The following CACNA2D3 variants were observed in gnomAD, a reference collection of about 807,000 sequenced individuals.
CACNA2D3 encodes voltage-dependent calcium channel subunit alpha-2/delta-3.
CACNA2D3 carries 60 observed loss-of-function variants against 160.6 expected under a neutral mutation model. The observed-to-expected ratio is 0.37, with a 90% CI of 0.30 to 0.46. The LOEUF (loss-of-function observed/expected upper bound fraction) is 0.46. Among genes scored for constraint, CACNA2D3 ranks in the 20% least tolerant of loss-of-function variants. CACNA2D3 has a pLI of 1.00. For missense variants in CACNA2D3, 1,205 were observed against 1,365.0 expected (o/e 0.88, Z 1.85); for synonymous variants, 558 against 492.9 (o/e 1.13, Z -1.75).
intron 11 of CACNA2D3, among the ~76,000 whole-genome samples, chr3:54,701,776 CT>C (rs1700771390): frequency 6.6e-6 from 1 of 152,148 alleles, no homozygotes; most frequent in Non-Finnish European, 1.5e-5. Context: ...AAAAATGAGT[CT>C]GAATAGCCAA....
chr3:54,265,335 C>T (rs1702479670), intron 2 of CACNA2D3, among the ~76,000 whole-genome samples: 1 of 151,916 alleles, frequency 6.6e-6, no homozygotes, highest in Admixed American at 6.6e-5. Context: ...GGGAGTTGAA[C>T]AATGAGAACA....
chr3:54,327,104 C>T (rs1445469626), intron 3 of CACNA2D3, among the ~76,000 whole-genome samples: 1 of 152,174 alleles, frequency 6.6e-6, no homozygotes, highest in East Asian at 1.9e-4. Context: ...TGGCTGAGAA[C>T]AAAACCACAT....
At chr3:54,265,556 GTA>G (rs1443643284) in intron 2 of CACNA2D3, among the ~76,000 whole-genome samples, 2 of 78,650 alleles carry the variant, frequency 2.5e-5, no homozygotes, top group African/African-American at 6.5e-5. Flanking sequence ...GTGTGTGTGT[GTA>G]TAGTGTGTAT....
At chr3:54,483,997 A>G (rs901806199) in intron 4 of CACNA2D3, among the ~76,000 whole-genome samples, 1 of 152,218 alleles carries the variant, frequency 6.6e-6, no homozygotes, top group Non-Finnish European at 1.5e-5. Flanking sequence ...GGTTTCAAGC[A>G]TAGATTCTGT....
intron 2 of CACNA2D3, among the ~76,000 whole-genome samples, chr3:54,271,559 G>C (rs1441050496): frequency 6.6e-6 from 1 of 152,224 alleles, no homozygotes; most frequent in African/African-American, 2.4e-5. Context: ...ACAGACATCT[G>C]GGGAGTGGGT....
chr3:54,802,885 C>A (rs1703026407), intron 13 of CACNA2D3, among the ~76,000 whole-genome samples: 1 of 152,176 alleles, frequency 6.6e-6, no homozygotes, highest in Non-Finnish European at 1.5e-5. Flanking sequence ...GATCAGACAG[C>A]AGCATTCGCG....
chr3:54,859,972 G>GCGCGCGCACACACACACACA lies in CACNA2D3; in HGVS notation c.1627-11566_1627-11565insGCGCGCACACACACACACAC, dbSNP rs535185040. Among the ~76,000 whole-genome samples the GCGCGCGCACACACACACACA allele has an allele frequency of 1.8e-3, 237 of 133,874 alleles. 2 individuals are homozygous for GCGCGCGCACACACACACACA. The highest frequency in any genetic ancestry group is 6.2e-3 in the African/African-American group (223 of 35,936). The allele number at this position is 133,874 out of a possible 152,430, so 87.8% of individuals were successfully genotyped here. ...TTAGAACATCATCTGGAAAGTAGAT[G>GCGCGCGCACACACACACACA]CACACACACACACACACACACACAC... On this transcript the variant is annotated intron_variant, in intron 17 of 37. Transcript: ENST00000474759.
intron 4 of CACNA2D3, among the ~76,000 whole-genome samples, chr3:54,436,936 A>G (rs796228347): frequency 2.0e-5 from 3 of 152,322 alleles, no homozygotes; most frequent in African/African-American, 7.2e-5. Flanking sequence ...AATTATACTT[A>G]AAGAGTGAAG....
intron 8 of CACNA2D3, among the ~76,000 whole-genome samples, chr3:54,573,640 T>C (rs1284366987): frequency 6.6e-6 from 1 of 152,210 alleles, no homozygotes; most frequent in African/African-American, 2.4e-5. Flanking sequence ...GGTGTGCTTC[T>C]ATTGAATAAA....
chr3:54,861,007 A>G (rs149215576), intron 17 of CACNA2D3, among the ~76,000 whole-genome samples: 27 of 152,316 alleles, frequency 1.8e-4, no homozygotes, highest in African/African-American at 5.3e-4. Context: ...CGGTCCACTC[A>G]TTCGTCACAT....
intron 11 of CACNA2D3, among the ~76,000 whole-genome samples, chr3:54,648,349 A>T (rs1255139116): frequency 6.6e-6 from 1 of 152,226 alleles, no homozygotes; most frequent in African/African-American, 2.4e-5. Context: ...TTTGTTTACT[A>T]TTGTCTATGG....
At chr3:55,072,198 G>T (rs547605103) in intron 35 of CACNA2D3, among the ~76,000 whole-genome samples, 1 of 152,298 alleles carries the variant, frequency 6.6e-6, no homozygotes, top group Admixed American at 6.5e-5. Flanking sequence ...GTGGATAGTG[G>T]TTAAGGCATT....
intron 2 of CACNA2D3, among the ~76,000 whole-genome samples, chr3:54,241,100 G>C (rs1701966692): frequency 6.6e-6 from 1 of 152,148 alleles, no homozygotes; most frequent in Non-Finnish European, 1.5e-5. Context: ...AATAGAACTT[G>C]AATCCAGTGG....
intron 2 of CACNA2D3, among the ~76,000 whole-genome samples, chr3:54,256,757 C>CA (rs35227962): frequency 6.1e-4 from 65 of 106,968 alleles, no homozygotes; most frequent in African/African-American, 1.8e-3. Flanking sequence ...GACTCCGTCT[C>CA]AAAAAAAAAA....
intron 36 of CACNA2D3, 67 bp from the exon 37 acceptor site, chr3:55,073,710 A>T: frequency 7.1e-7 from 1 of 1,410,844 alleles, no homozygotes; most frequent in East Asian, 2.3e-5. Context: ...TCATTGCCAA[A>T]TTTTGACCTC....
chr3:54,353,261 T>C (rs1319578288), intron 3 of CACNA2D3, among the ~76,000 whole-genome samples: 3 of 152,186 alleles, frequency 2.0e-5, no homozygotes, highest in Admixed American at 2.0e-4. Flanking sequence ...CAGAATTTCT[T>C]TGTAGCTCTG....
At chr3:54,542,526 G>A (rs1288888646) in intron 5 of CACNA2D3, among the ~76,000 whole-genome samples, 1 of 152,150 alleles carries the variant, frequency 6.6e-6, no homozygotes, top group Admixed American at 6.5e-5. Flanking sequence ...TGTAGCCAAA[G>A]GCCCGAGAGT....
intron 2 of CACNA2D3, among the ~76,000 whole-genome samples, chr3:54,205,542 ACT>A (rs1264900741): frequency 1.3e-5 from 2 of 152,150 alleles, no homozygotes; most frequent in East Asian, 3.8e-4. Flanking sequence ...AATTATGATA[ACT>A]CTGTTGGGGA....
intron 14 of CACNA2D3, among the ~76,000 whole-genome samples, chr3:54,835,378 G>A (rs1385658209): frequency 6.6e-6 from 1 of 152,132 alleles, no homozygotes; most frequent in Non-Finnish European, 1.5e-5. Flanking sequence ...CATTCAGAGT[G>A]TTTGGAATGG....
Sources: allele counts gnomAD v4.1 joint callset (sites outside exome capture counted in the v4.1 genomes callset), GRCh38; gene constraint gnomAD v4.1.1; transcripts MANE v1.5; gene names NCBI Gene and HGNC (gene_info 2026-07-23, HGNC 2026-07-21).